The following PCDHA4 variants were observed in gnomAD, a reference collection of about 807,000 sequenced individuals.
PCDHA4 encodes protocadherin alpha 4, also known as protocadherin alpha-4.
A neutral mutation model predicts 61.4 loss-of-function variants in PCDHA4; 49 were observed. The observed-to-expected ratio is 0.80, with a 90% CI of 0.63 to 1.01. The LOEUF (loss-of-function observed/expected upper bound fraction) is 1.01, where lower values mean the gene tolerates loss of function less well. PCDHA4 is among the 50% of genes least tolerant of loss of function. The pLI, the probability that PCDHA4 is intolerant of heterozygous loss-of-function variation, is 0.00. For synonymous variants in PCDHA4, 590 were observed against 550.3 expected (o/e 1.07, Z -1.01); for missense variants, 1,254 against 1,235.8 (o/e 1.01, Z -0.22).
intron 1 of PCDHA4, chr5:140,834,404 C>T (rs17844304): frequency 3.7e-6 from 6 of 1,606,068 alleles, no homozygotes; most frequent in South Asian, 3.3e-5. Flanking sequence ...CGAATGGATA[C>T]GACCCAGGGG....
chr5:140,912,007 C>A lies in PCDHA4; in HGVS notation c.2386-66942C>A, dbSNP rs572487277. Among the ~76,000 whole-genome samples, 3 of 152,282 alleles carry A rather than the reference C, an allele frequency of 2.0e-5. No homozygotes were observed. The East Asian group carries it at 5.8e-4, about 29-fold the overall frequency. On this transcript the variant is annotated intron_variant, in intron 1 of 3. Coordinates refer to ENST00000530339, the MANE Select transcript of PCDHA4 (RefSeq NM_018907.4). ...ACAAGGTCCCACAATAGGCCATCTGCAAGCTGAGGAGCAAGCAAGCCAATC... is the reference window on the plus strand; with the variant it reads ...ACAAGGTCCCACAATAGGCCATCTGAAAGCTGAGGAGCAAGCAAGCCAATC...
intron 1 of PCDHA4, chr5:140,851,096 T>A (rs2041958887): frequency 7.7e-7 from 1 of 1,292,466 alleles, no homozygotes; most frequent in Non-Finnish European, 1.0e-6. Context: ...AAATAGATAT[T>A]TTTTGGGTGC....
At chr5:140,835,581 A>G in intron 1 of PCDHA4, 1 of 1,613,870 alleles carries the variant, frequency 6.2e-7, no homozygotes, top group Non-Finnish European at 8.5e-7. Flanking sequence ...GTTGGTGTCC[A>G]CCTTCAAGAA....
chr5:140,996,531 G>A (rs782175834), intron 3 of PCDHA4, among the ~76,000 whole-genome samples: 1 of 152,146 alleles, frequency 6.6e-6, no homozygotes, highest in African/African-American at 2.4e-5. Context: ...GGCCCTGTGT[G>A]TTTTGATATT....
rs116377419 is a variant in PCDHA4, at chr5:140,884,621, G to A, written c.2385+75049G>A. On this transcript the variant is annotated intron_variant, in intron 1 of 3. Coordinates refer to ENST00000530339, the MANE Select transcript of PCDHA4 (RefSeq NM_018907.4). ...TCCTCCTTGTCTGGGTTCTGCAGAG[G>A]GAACAGGCCAGAGGGAGGAGGACTC... 8.0e-4 allele frequency: 1,287 copies of A among 1,613,996 alleles called. 6 individuals carry two copies. The African/African-American group carries it at 0.016, about 20-fold the overall frequency.
chr5:140,935,995 C>G (rs1282709145), intron 1 of PCDHA4, among the ~76,000 whole-genome samples: 1 of 150,774 alleles, frequency 6.6e-6, no homozygotes, highest in African/African-American at 2.4e-5. Context: ...CGGGTTCAAG[C>G]GATTCTCCCA....
intron 1 of PCDHA4, among the ~76,000 whole-genome samples, chr5:140,952,159 G>T (rs1226707673): frequency 2.0e-5 from 3 of 152,056 alleles, no homozygotes; most frequent in African/African-American, 7.2e-5. Context: ...TGGCTTTGTG[G>T]GGTTCAGTTC....
At chr5:140,966,622 G>C in intron 1 of PCDHA4, 1 of 854,486 alleles carries the variant, frequency 1.2e-6, no homozygotes, top group Non-Finnish European at 1.6e-6. Flanking sequence ...TACGGAGGGA[G>C]CGGCCCCAGG....
intron 1 of PCDHA4, chr5:140,968,952 T>C: frequency 1.2e-6 from 2 of 1,614,192 alleles, no homozygotes; most frequent in Non-Finnish European, 1.7e-6. Context: ...TTGAGCATCA[T>C]CAAGTGCTAC....
chr5:140,840,849 C>G (rs1369023215), intron 1 of PCDHA4, among the ~76,000 whole-genome samples: 2 of 151,942 alleles, frequency 1.3e-5, no homozygotes, highest in Non-Finnish European at 2.9e-5. Context: ...TGCATTTCTT[C>G]CACACGAAAC....
chr5:140,941,341 G>A (rs1413393487), intron 1 of PCDHA4, among the ~76,000 whole-genome samples: 1 of 119,412 alleles, frequency 8.4e-6, no homozygotes, highest in African/African-American at 3.2e-5. Flanking sequence ...TTTTCAGATG[G>A]AGTCTTGCTC....
At chr5:140,972,091 C>G (rs1169233514) in intron 1 of PCDHA4, among the ~76,000 whole-genome samples, 3 of 152,164 alleles carry the variant, frequency 2.0e-5, no homozygotes, top group African/African-American at 4.8e-5. Context: ...AGAGTAATTT[C>G]TGGCATAGAA....
rs2150471496 is a variant in PCDHA4 at position 140,850,180 on chromosome 5, C to T, written c.2385+40608C>T. On this transcript the variant is annotated intron_variant, in intron 1 of 3. Coordinates refer to ENST00000530339, the MANE Select transcript of PCDHA4 (RefSeq NM_018907.4). ...TTCGTGCTGGACGAGAACGACAATG[C>T]GCCGGCGCTGCTGACACCTCGGATG... 73 of 1,593,798 alleles carry T rather than the reference C, an allele frequency of 4.6e-5. 10 individuals carry two copies. The Middle Eastern group carries it at 1.0e-3, about 23-fold the overall frequency.
chr5:140,877,700 G>A, intron 1 of PCDHA4: 1 of 1,613,996 alleles, frequency 6.2e-7, no homozygotes, highest in Non-Finnish European at 8.5e-7. Flanking sequence ...GTGTGCTCCA[G>A]CGCCGTGGGG....
At chr5:140,871,202 T>C in intron 1 of PCDHA4, 1 of 1,613,730 alleles carries the variant, frequency 6.2e-7, no homozygotes, top group Non-Finnish European at 8.5e-7. Context: ...GTGTACCTGA[T>C]CATCGCCATC....
chr5:140,946,631 T>TATATACACAC (rs57893927), intron 1 of PCDHA4, among the ~76,000 whole-genome samples: 7 of 131,846 alleles, frequency 5.3e-5, no homozygotes, highest in Non-Finnish European at 1.1e-4. Context: ...TATATATATA[T>TATATACACAC]ACAATGGAAT....
intron 1 of PCDHA4, chr5:140,825,152 A>C (rs1554130155): frequency 1.3e-5 from 2 of 151,900 alleles, no homozygotes; most frequent in East Asian, 1.9e-4. Context: ...TATTGATTTT[A>C]ATCTTGCTTT....
chr5:140,960,111 A>G (rs1554224465), intron 1 of PCDHA4, among the ~76,000 whole-genome samples: 1 of 152,256 alleles, frequency 6.6e-6, no homozygotes, highest in African/African-American at 2.4e-5. Flanking sequence ...TGTGGGAACA[A>G]TAGTATTCCT....
At chr5:140,923,423 G>A (rs533295733) in intron 1 of PCDHA4, among the ~76,000 whole-genome samples, 1 of 152,142 alleles carries the variant, frequency 6.6e-6, no homozygotes. Context: ...GGCTACTTGG[G>A]AGGCTGGGGT....
Sources: allele counts gnomAD v4.1 joint callset (sites outside exome capture counted in the v4.1 genomes callset), GRCh38; gene constraint gnomAD v4.1.1; transcripts MANE v1.5; gene names NCBI Gene and HGNC (gene_info 2026-07-23, HGNC 2026-07-21).